Variants in APBB2 observed in about 807,000 individuals in gnomAD.
APBB2 encodes the protein amyloid beta precursor protein binding family B member 2, also known as Fe65-like 1.
A neutral mutation model predicts 82.5 loss-of-function variants in APBB2; 38 were observed. The observed-to-expected ratio is 0.46, with a 90% confidence interval of 0.36 to 0.60. APBB2 has a LOEUF of 0.60. Among genes scored for constraint, APBB2 ranks in the 20% least tolerant of loss-of-function variants. The pLI is 0.00. For missense variants in APBB2, 772 were observed against 972.3 expected (o/e 0.79, Z 2.74); for synonymous variants, 341 against 368.2 (o/e 0.93, Z 0.85).
chr4:40,823,591 A>G, intron 16 of APBB2, 53 bp downstream of exon 16: 1 of 1,268,872 alleles, frequency 7.9e-7, no homozygotes, highest in East Asian at 2.3e-5. Context: ...AAACCACTGT[A>G]TCTTATACTC....
At chr4:40,983,914 A>C (rs111870285) in intron 6 of APBB2, among the ~76,000 whole-genome samples, 3 of 152,274 alleles carry the variant, frequency 2.0e-5, no homozygotes, top group African/African-American at 7.2e-5. Context: ...CTGAATCATG[A>C]GGTTTCTTGT....
rs1010697529 is a variant in APBB2, at chr4:41,066,221, G to A, written c.-148-548C>T. On this transcript the variant is annotated intron_variant, in intron 3 of 17. Coordinates refer to ENST00000508593, the MANE Select transcript of APBB2 (RefSeq NM_004307.2). ...ACAGCTCAATGTATTTTCCGAAACT[G>A]AAAATACACCAGATGAAAAACCAGA... is the stretch of plus-strand genomic sequence containing the variant. Among the ~76,000 whole-genome samples, 4 of 151,978 alleles carry A rather than the reference G, an allele frequency of 2.6e-5. No homozygotes were observed. In the East Asian group the frequency reaches 7.7e-4, roughly 29 times the overall value.
At chr4:40,888,887 C>T (rs1771149528) in intron 12 of APBB2, among the ~76,000 whole-genome samples, 1 of 152,282 alleles carries the variant, frequency 6.6e-6, no homozygotes, top group African/African-American at 2.4e-5. Context: ...GCCTTAAAAA[C>T]AAACTTGGAG....
chr4:41,016,937 C>G (rs1810142907), intron 5 of APBB2, among the ~76,000 whole-genome samples: 3 of 151,896 alleles, frequency 2.0e-5, no homozygotes, highest in South Asian at 4.2e-4. Context: ...GCTCTGTCAC[C>G]CAGGCTGGAG....
intron 1 of APBB2, among the ~76,000 whole-genome samples, chr4:41,161,315 T>C (rs903842105): frequency 6.6e-6 from 1 of 152,014 alleles, no homozygotes; most frequent in African/African-American, 2.4e-5. Flanking sequence ...CTCTCAAAAG[T>C]ATAGCATTCA....
At chr4:40,924,622 G>A (rs910381185) in intron 10 of APBB2, among the ~76,000 whole-genome samples, 4 of 152,198 alleles carry the variant, frequency 2.6e-5, no homozygotes, top group Non-Finnish European at 4.4e-5. Context: ...GGCCCTGGAG[G>A]ACGTGAGGAG....
At chr4:41,087,738 T>C (rs1740285412) in intron 3 of APBB2, among the ~76,000 whole-genome samples, 1 of 152,164 alleles carries the variant, frequency 6.6e-6, no homozygotes, top group African/African-American at 2.4e-5. Context: ...CAGAATCCAG[T>C]ATTTTAAACA....
chr4:41,143,677 A>G (rs956734105), intron 1 of APBB2, among the ~76,000 whole-genome samples: 9 of 152,258 alleles, frequency 5.9e-5, no homozygotes, highest in African/African-American at 1.7e-4. Flanking sequence ...GCTATAAAAA[A>G]TTCTAATGCG....
intron 11 of APBB2, 129 bp downstream of exon 11, chr4:40,893,136 A>C (rs1772528965): frequency 8.8e-7 from 1 of 1,137,190 alleles, no homozygotes; most frequent in South Asian, 1.6e-5. Flanking sequence ...CACTTCCTGC[A>C]TTAATGGGAA....
At chr4:41,105,754 C>T (rs961275000) in intron 2 of APBB2, among the ~76,000 whole-genome samples, 26 of 152,074 alleles carry the variant, frequency 1.7e-4, no homozygotes, top group South Asian at 4.2e-4. Flanking sequence ...GGTGTGGTAG[C>T]GGGCGCCTGT....
intron 2 of APBB2, among the ~76,000 whole-genome samples, chr4:41,135,679 A>G (rs571172803): frequency 6.6e-6 from 1 of 152,358 alleles, no homozygotes; most frequent in East Asian, 1.9e-4. Context: ...AAGCTGTTAA[A>G]GAAAACCTAT....
rs1008819698 is a variant in APBB2, at chr4:40,983,014, G to A, written c.835+30569C>T. ...GATAAGTATGAAGGCAGACATGGGGGACCCATTACCTAGATTTGGGGCTAT... is the reference window on the plus strand; with the variant it reads ...GATAAGTATGAAGGCAGACATGGGGAACCCATTACCTAGATTTGGGGCTAT... On this transcript the variant is annotated intron_variant, in intron 6 of 17. Transcript: ENST00000508593. 2.6e-5 allele frequency among the ~76,000 whole-genome samples: 4 copies of A among 152,120 alleles called. No individual in the cohort carries two copies. In the South Asian group the frequency reaches 8.3e-4, roughly 32 times the overall value.
chr4:41,110,393 A>G (rs938623165), intron 2 of APBB2, among the ~76,000 whole-genome samples: 1 of 152,150 alleles, frequency 6.6e-6, no homozygotes, highest in African/African-American at 2.4e-5. Flanking sequence ...TCATGAGGTC[A>G]GGAGTTCGAG....
rs1458515192 is a variant in APBB2 at position 40,880,726 on chromosome 4, A to G, written c.1529+9638T>C. ...CCATCCTTTGTCTGGCTCAGGACTC[A>G]GGGGAAGTGCGAGATGGAAGCTGTT... On this transcript the variant is annotated intron_variant, in intron 12 of 17. Transcript: ENST00000508593. 6.1e-6 allele frequency: 6 copies of G among 985,384 alleles called. No individual in the cohort carries two copies. In the East Asian group the frequency reaches 5.7e-4, roughly 93 times the overall value. 61.0% of individuals were successfully genotyped at this position (985,384 alleles called of 1,614,324 possible).
intron 3 of APBB2, among the ~76,000 whole-genome samples, chr4:41,078,966 T>TG (rs1344955339): frequency 6.6e-6 from 1 of 152,150 alleles, no homozygotes; most frequent in Non-Finnish European, 1.5e-5. Flanking sequence ...GACTTAGCCG[T>TG]GGTCAACCCT....
intron 5 of APBB2, among the ~76,000 whole-genome samples, chr4:41,024,476 C>T (rs11947051): frequency 2.0e-5 from 3 of 152,046 alleles, no homozygotes; most frequent in South Asian, 2.1e-4. Context: ...AATTGAAGAA[C>T]GAAAGAAAAA....
chr4:41,046,464 A>T (rs1447454421), intron 4 of APBB2, among the ~76,000 whole-genome samples: 1 of 152,248 alleles, frequency 6.6e-6, no homozygotes, highest in African/African-American at 2.4e-5. Flanking sequence ...AGTGACTTAA[A>T]ATCACCAAAC....
intron 7 of APBB2, among the ~76,000 whole-genome samples, chr4:40,943,016 A>C (rs1787452398): frequency 6.6e-6 from 1 of 152,224 alleles, no homozygotes; most frequent in African/African-American, 2.4e-5. Flanking sequence ...CCACTGCCAG[A>C]TGCAGAGGAC....
intron 4 of APBB2, among the ~76,000 whole-genome samples, chr4:41,061,469 G>A (rs1729805073): frequency 6.6e-6 from 1 of 152,166 alleles, no homozygotes; most frequent in Non-Finnish European, 1.5e-5. Flanking sequence ...CCTGTACAGC[G>A]TGTTACTGTA....
Sources: allele counts gnomAD v4.1 joint callset (sites outside exome capture counted in the v4.1 genomes callset), GRCh38; gene constraint gnomAD v4.1.1; transcripts MANE v1.5; gene names NCBI Gene and HGNC (gene_info 2026-07-23, HGNC 2026-07-21).